The following ADAM12 variants were observed in gnomAD, a reference collection of about 807,000 sequenced individuals.
ADAM12 encodes the protein ADAM metallopeptidase domain 12.
ADAM12 carries 70 observed loss-of-function variants against 106.4 expected under a neutral mutation model. The observed-to-expected ratio is 0.66, with a 90% CI of 0.54 to 0.80. The LOEUF is 0.80. ADAM12 is among the 30% of genes least tolerant of loss of function. The probability of loss-of-function intolerance (pLI) is 0.00; values close to 1 mark genes in which losing one functional copy is unlikely to be tolerated. For missense variants in ADAM12, 1,010 were observed against 1,171.9 expected, an observed-to-expected ratio of 0.86 and a Z score of 2.02; for synonymous variants, 420 against 433.5, an observed-to-expected ratio of 0.97 and a Z score of 0.39.
chr10:126,351,129 C>A (rs1230822822), intron 1 of ADAM12, among the ~76,000 whole-genome samples: 1 of 152,192 alleles, frequency 6.6e-6, no homozygotes, highest in Non-Finnish European at 1.5e-5. Flanking sequence ...TGCCCTCAGC[C>A]CGGAGGCCCA....
chr10:126,083,282 C>T (rs893918001), intron 11 of ADAM12, among the ~76,000 whole-genome samples: 4 of 152,208 alleles, frequency 2.6e-5, no homozygotes, highest in Admixed American at 2.6e-4. Flanking sequence ...AGCTTGGGTT[C>T]CTTGCCGGGA....
intron 3 of ADAM12, among the ~76,000 whole-genome samples, chr10:126,239,408 A>AT (rs1170000345): frequency 6.6e-6 from 1 of 152,192 alleles, no homozygotes; most frequent in Non-Finnish European, 1.5e-5. Flanking sequence ...TTTGTTGAAA[A>AT]TTTCGTCAGT....
chr10:126,388,047 C>T lies in ADAM12; in HGVS notation c.88+11G>A, dbSNP rs1439471451. ...GGGCGGGCAGCGAGCCGCCCTAGTT[C>T]GGCGACTTACCTCGGGCCTCGCAGG... On this transcript the variant is annotated intron_variant, in intron 1 of 22. Coordinates refer to ENST00000448723, the MANE Select transcript of ADAM12 (RefSeq NM_001288973.2). This position sits in a 1 kb window ranked among gnomAD's most constrained non-coding sequence, Gnocchi z 4.4. The T allele has an allele frequency of 4.9e-6, 6 of 1,214,910 alleles. No homozygotes were observed. In the East Asian group the frequency reaches 1.3e-4, roughly 27 times the overall value. 75.3% of individuals were successfully genotyped at this position (1,214,910 alleles called of 1,614,324 possible).
At chr10:126,144,367 C>T (rs1956585661) in intron 4 of ADAM12, among the ~76,000 whole-genome samples, 1 of 152,188 alleles carries the variant, frequency 6.6e-6, no homozygotes, top group South Asian at 2.1e-4. Flanking sequence ...AAATGTAAGG[C>T]ATTGTTACAA....
chr10:126,090,393 A>G (rs1038240240), intron 11 of ADAM12, among the ~76,000 whole-genome samples: 3 of 151,598 alleles, frequency 2.0e-5, no homozygotes, highest in African/African-American at 7.3e-5. Flanking sequence ...AGGAAGTGAC[A>G]TTTACTATTA....
intron 3 of ADAM12, among the ~76,000 whole-genome samples, chr10:126,179,982 T>C (rs1957284508): frequency 6.6e-6 from 1 of 152,098 alleles, no homozygotes; most frequent in Admixed American, 6.5e-5. Flanking sequence ...AATAAACCAA[T>C]GCAAAAAACC....
intron 2 of ADAM12, among the ~76,000 whole-genome samples, chr10:126,322,934 G>A (rs1338753839): frequency 6.6e-6 from 1 of 152,086 alleles, no homozygotes; most frequent in East Asian, 1.9e-4. Flanking sequence ...CAGGAGTTGG[G>A]GCCTCCAGCA....
chr10:126,144,757 G>A (rs1956594192), intron 4 of ADAM12, among the ~76,000 whole-genome samples: 1 of 152,212 alleles, frequency 6.6e-6, no homozygotes. Context: ...GATTTCAGAA[G>A]GAACATATGG....
Position 126,017,196 on chromosome 10 carries a change from A to T in ADAM12, c.*83T>A. On this transcript the variant is annotated 3_prime_UTR_variant, in exon 23 of 23. Coordinates refer to ENST00000448723, the MANE Select transcript of ADAM12 (RefSeq NM_001288973.2). The stretch of plus-strand genomic sequence containing the variant: ...TGTTTTAAACATTAAAAAAAATCCT[A>T]AAAGTTGGTACAAAAAACTCCAACT... 7.7e-7 allele frequency: 1 copy of T among 1,303,146 alleles called. No individual in the cohort carries two copies. Among genetic ancestry groups the T allele is most frequent in the Non-Finnish European group, 1.1e-6 (1 of 941,966 alleles). 80.7% of individuals were successfully genotyped at this position (1,303,146 alleles called of 1,614,324 possible).
intron 3 of ADAM12, among the ~76,000 whole-genome samples, chr10:126,181,866 G>A (rs964604668): frequency 6.6e-6 from 1 of 152,174 alleles, no homozygotes; most frequent in Non-Finnish European, 1.5e-5. Context: ...AGCCCCTCCT[G>A]GTGTGGAGGG....
intron 3 of ADAM12, among the ~76,000 whole-genome samples, chr10:126,237,712 C>T (rs1199580165): frequency 6.6e-6 from 1 of 152,162 alleles, no homozygotes; most frequent in African/African-American, 2.4e-5. Flanking sequence ...TGTAGCAAAA[C>T]GTTCCCAATC....
intron 9 of ADAM12, among the ~76,000 whole-genome samples, chr10:126,099,185 C>T (rs1042814237): frequency 1.3e-5 from 2 of 152,182 alleles, no homozygotes; most frequent in East Asian, 3.8e-4. Context: ...TTAATTCCAA[C>T]CTCATGCATG....
intron 2 of ADAM12, among the ~76,000 whole-genome samples, chr10:126,281,804 A>G (rs879656919): frequency 6.6e-5 from 10 of 152,234 alleles, no homozygotes; most frequent in Non-Finnish European, 1.5e-4. Context: ...TACCTGCTGA[A>G]TAAATCAATT....
At chr10:126,082,853 C>A (rs1955255731) in intron 11 of ADAM12, among the ~76,000 whole-genome samples, 1 of 152,150 alleles carries the variant, frequency 6.6e-6, no homozygotes, top group African/African-American at 2.4e-5. Flanking sequence ...GGGCAGGGGA[C>A]CACAGTGTGG....
chr10:126,368,356 G>GTTTTT (rs34317249), intron 1 of ADAM12, among the ~76,000 whole-genome samples: 3 of 118,406 alleles, frequency 2.5e-5, no homozygotes, highest in African/African-American at 3.1e-5. Context: ...TGTGTGATTT[G>GTTTTT]TTTTTTTTTT....
chr10:126,369,116 T>A (rs542073883), intron 1 of ADAM12, among the ~76,000 whole-genome samples: 2 of 152,344 alleles, frequency 1.3e-5, no homozygotes, highest in Admixed American at 1.3e-4. Context: ...TTTGGATACA[T>A]GGTATTTTTT....
intron 2 of ADAM12, among the ~76,000 whole-genome samples, chr10:126,328,993 G>T (rs574913077): frequency 6.6e-6 from 1 of 152,200 alleles, no homozygotes; most frequent in Admixed American, 6.5e-5. Flanking sequence ...ACCAGAGAAG[G>T]CCTGAGCTGG....
chr10:126,110,891 CTGA>C (rs368705573), intron 6 of ADAM12, among the ~76,000 whole-genome samples: 5 of 152,312 alleles, frequency 3.3e-5, no homozygotes, highest in African/African-American at 1.2e-4. Flanking sequence ...GTCTTTGGTC[CTGA>C]TGACTGATAT....
At chr10:126,268,727 A>T (rs1490025884) in intron 3 of ADAM12, among the ~76,000 whole-genome samples, 1 of 152,226 alleles carries the variant, frequency 6.6e-6, no homozygotes, top group East Asian at 1.9e-4. Context: ...TCCACTCAAG[A>T]TAACGAGTTT....
Sources: allele counts gnomAD v4.1 joint callset (sites outside exome capture counted in the v4.1 genomes callset), GRCh38; gene constraint gnomAD v4.1.1; non-coding constraint Gnocchi (gnomAD v3.1); transcripts MANE v1.5; gene names NCBI Gene and HGNC (gene_info 2026-07-23, HGNC 2026-07-21).